The following CDH5 variants were observed in gnomAD, a reference collection of about 807,000 sequenced individuals.
CDH5 encodes the protein cadherin-5.
Under a neutral mutation model 62.0 loss-of-function variants are expected in CDH5, and 28 were observed. That is an observed-to-expected ratio of 0.45 (90% CI 0.33 to 0.62). The LOEUF (loss-of-function observed/expected upper bound fraction) is 0.62. Among genes scored for constraint, CDH5 ranks in the 20% least tolerant of loss-of-function variants. The pLI is 0.02. For missense variants in CDH5, 940 were observed against 1,065.1 expected (o/e 0.88, Z 1.63); for synonymous variants, 464 against 445.8 (o/e 1.04, Z -0.52).
At chr16:66,394,690 AG>A (rs1961143857) in intron 7 of CDH5, among the ~76,000 whole-genome samples, 1 of 152,180 alleles carries the variant, frequency 6.6e-6, no homozygotes, top group Admixed American at 6.5e-5. Context: ...AAACTATTAT[AG>A]ACATACACAC....
intron 7 of CDH5, among the ~76,000 whole-genome samples, chr16:66,393,243 A>G (rs765544457): frequency 3.9e-5 from 6 of 152,230 alleles, no homozygotes; most frequent in Non-Finnish European, 8.8e-5. Context: ...ATATACCTGT[A>G]TCTACTTCTA....
chr16:66,396,049 C>T lies in CDH5; in HGVS notation c.1218-10C>T, dbSNP rs753878854. 2 of 1,612,984 alleles carry T rather than the reference C, an allele frequency of 1.2e-6. No homozygotes were observed. The highest frequency in any genetic ancestry group is 1.1e-5 in the South Asian group (1 of 90,972). On this transcript the variant is annotated splice_polypyrimidine_tract_variant and intron_variant, in intron 7 of 11. Coordinates refer to ENST00000341529, the MANE Select transcript of CDH5 (RefSeq NM_001795.5). Reference sequence around the variant, plus strand: ...CAATGGAAAGCCATGAAACTCTCTCCCCTGGGCAGATACTCCATCCGCAGG... The same window carrying T: ...CAATGGAAAGCCATGAAACTCTCTCTCCTGGGCAGATACTCCATCCGCAGG...
intron 5 of CDH5, 136 bp downstream of exon 5, chr16:66,389,658 C>A (rs1961048579): frequency 1.4e-6 from 1 of 702,588 alleles, no homozygotes; most frequent in African/African-American, 1.8e-5. Flanking sequence ...CCAAAGGAGT[C>A]CTTTGGGTGA....
intron 1 of CDH5, among the ~76,000 whole-genome samples, chr16:66,372,659 A>T (rs1271249456): frequency 1.3e-5 from 2 of 152,092 alleles, no homozygotes; most frequent in African/African-American, 4.8e-5. Context: ...CTAGGTTCTG[A>T]TCCCAGTGGC....
Position 66,403,379 on chromosome 16 carries a change from T to TG in CDH5, c.*211dup, listed in dbSNP as rs1466953969. 9.8e-5 allele frequency: 57 copies of TG among 584,244 alleles called. No individual in the cohort carries two copies. In the African/African-American group the frequency reaches 1.0e-3, roughly 10 times the overall value. 36.2% of individuals were successfully genotyped at this position (584,244 alleles called of 1,614,324 possible). A position where few individuals can be genotyped will look rare whatever the true frequency, so the allele number is the denominator to read the frequency against. ...TATGTCAGTGATGACTATTCTCAAATGCTGGCAAATCCAGGCTGGTGTTCT... is the reference window on the plus strand; with the variant it reads ...TATGTCAGTGATGACTATTCTCAAATGGCTGGCAAATCCAGGCTGGTGTTCT... On this transcript the variant is annotated 3_prime_UTR_variant, in exon 12 of 12. Coordinates refer to ENST00000341529, the MANE Select transcript of CDH5 (RefSeq NM_001795.5). The surrounding 1 kb of genome is among the most constrained non-coding windows in gnomAD (Gnocchi z 4.3).
intron 2 of CDH5, among the ~76,000 whole-genome samples, chr16:66,379,909 GA>G (rs1960860463): frequency 1.4e-5 from 2 of 147,238 alleles, no homozygotes; most frequent in African/African-American, 5.0e-5. Context: ...TGATGGTGGT[GA>G]TGATAAAGGG....
At chr16:66,369,672 C>T (rs1475110461) in intron 1 of CDH5, among the ~76,000 whole-genome samples, 2 of 152,062 alleles carry the variant, frequency 1.3e-5, no homozygotes, top group African/African-American at 4.8e-5. Flanking sequence ...TGGAGCTGTC[C>T]CTTTAGAAGG....
rs754377127 is a variant in CDH5, at chr16:66,396,051, C to A, written c.1218-8C>A. ...ATGGAAAGCCATGAAACTCTCTCCC[C>A]TGGGCAGATACTCCATCCGCAGGAC... On this transcript the variant is annotated splice_polypyrimidine_tract_variant and splice_region_variant and intron_variant, in intron 7 of 11. Transcript: ENST00000341529. 6.2e-7 allele frequency: 1 copy of A among 1,613,074 alleles called. No homozygotes were observed. The highest frequency in any genetic ancestry group is 1.1e-5 in the South Asian group (1 of 90,990).
intron 2 of CDH5, among the ~76,000 whole-genome samples, chr16:66,383,584 C>T (rs1430481645): frequency 6.6e-6 from 1 of 152,030 alleles, no homozygotes; most frequent in Non-Finnish European, 1.5e-5. Flanking sequence ...TGGAAGGCCA[C>T]CATCTTATCC....
chr16:66,395,219 G>A (rs1030968574), intron 7 of CDH5, among the ~76,000 whole-genome samples: 2 of 150,318 alleles, frequency 1.3e-5, no homozygotes, highest in South Asian at 2.1e-4. Flanking sequence ...AGATGTATTC[G>A]TATAATCCTC....
rs1277186344 is a variant in CDH5 at position 66,403,143 on chromosome 16, G to A, written c.2329G>A (p.Asp777Asn). 1 of 1,612,454 alleles carries A rather than the reference G, an allele frequency of 6.2e-7. No homozygotes were observed. The highest frequency in any genetic ancestry group is 8.5e-7 in the Non-Finnish European group (1 of 1,179,664). Reference sequence around the variant, plus strand: ...GATGCTGGCTGAGCTGTACGGCTCGGACCCCCGGGAGGAGCTGCTGTATTA... The same window carrying A: ...GATGCTGGCTGAGCTGTACGGCTCGAACCCCCGGGAGGAGCTGCTGTATTA... ...FKMLAELYGS[D>N]PREELLY The change falls in exon 12 of 12, where the codon GAC becomes AAC. Residue 777 changes from aspartate (D) to asparagine (N), a missense_variant. Transcript: ENST00000341529. This position sits in a 1 kb window ranked among gnomAD's most constrained non-coding sequence, Gnocchi z 4.3.
At chr16:66,399,399 G>A (rs1001339995) in intron 10 of CDH5, among the ~76,000 whole-genome samples, 2 of 152,176 alleles carry the variant, frequency 1.3e-5, no homozygotes, top group Non-Finnish European at 2.9e-5. Flanking sequence ...TGGAATTCCT[G>A]CCTGTCCCTA....
In CDH5 at chr16:66,402,775, A is replaced by C. The variant is rs774492976; in HGVS notation, c.1961A>C (p.Asp654Ala). 2.5e-6 allele frequency: 4 copies of C among 1,607,348 alleles called. No individual in the cohort carries two copies. The South Asian group carries it at 4.4e-5, about 18-fold the overall frequency. Residue 654 changes from aspartate to alanine, a missense_variant, in exon 12 of 12, where the codon GAC (aspartate) becomes GCC (alanine). Asp to Ala is a moderately radical substitution (Grantham distance 126, BLOSUM62 -2). Coordinates refer to ENST00000341529, the MANE Select transcript of CDH5 (RefSeq NM_001795.5). The stretch of plus-strand genomic sequence containing the variant: ...GACGAGGAGGGCGGCGGCGAGATGG[A>C]CACCACCAGCTACGATGTGTCGGTG... ...TYDEEGGGEM[D>A]TTSYDVSVLN...
chr16:66,380,236 G>A (rs1024624226), intron 2 of CDH5, among the ~76,000 whole-genome samples: 1 of 144,556 alleles, frequency 6.9e-6, no homozygotes, highest in African/African-American at 2.7e-5. Flanking sequence ...TGATAAAGGG[G>A]TAGGTGGTGG....
At chr16:66,369,354 A>G (rs1960643892) in intron 1 of CDH5, among the ~76,000 whole-genome samples, 1 of 152,182 alleles carries the variant, frequency 6.6e-6, no homozygotes, top group African/African-American at 2.4e-5. Context: ...GCGGGTAGAT[A>G]GGAGTCAAGA....
chr16:66,369,925 GC>G (rs1323089271), intron 1 of CDH5, among the ~76,000 whole-genome samples: 5 of 152,202 alleles, frequency 3.3e-5, no homozygotes, highest in African/African-American at 1.2e-4. Flanking sequence ...TGTTTTGCCA[GC>G]CCTGTCTTAA....
intron 2 of CDH5, among the ~76,000 whole-genome samples, chr16:66,383,253 T>C (rs1960928060): frequency 6.6e-6 from 1 of 152,130 alleles, no homozygotes; most frequent in African/African-American, 2.4e-5. Context: ...GCATAAACTA[T>C]GCCCTCTGGT....
intron 1 of CDH5, among the ~76,000 whole-genome samples, chr16:66,375,203 G>A (rs1185704511): frequency 6.6e-6 from 1 of 152,102 alleles, no homozygotes; most frequent in Non-Finnish European, 1.5e-5. Flanking sequence ...AAGTATTGAT[G>A]TATCTAAACA....
chr16:66,373,628 G>T (rs1960732598), intron 1 of CDH5, among the ~76,000 whole-genome samples: 1 of 151,952 alleles, frequency 6.6e-6, no homozygotes. Context: ...TGTTTCCCAG[G>T]CTGGTCTCGA....
Sources: gnomAD v4.1 joint callset for allele counts (sites outside exome capture counted in the v4.1 genomes callset) on GRCh38, gnomAD v4.1.1 for gene constraint, Gnocchi (gnomAD v3.1) non-coding constraint, MANE v1.5 for transcripts, NCBI Gene and HGNC (gene_info 2026-07-23, HGNC 2026-07-21) for gene names.